Variants in C1GALT1 observed in about 807,000 individuals in gnomAD.
C1GALT1 encodes the protein glycoprotein-N-acetylgalactosamine 3-beta-galactosyltransferase 1.
A neutral mutation model predicts 31.0 loss-of-function variants in C1GALT1; 11 were observed. The observed-to-expected ratio is 0.36, with a 90% CI of 0.22 to 0.59. C1GALT1 has a LOEUF of 0.59. Ranked by LOEUF, C1GALT1 falls within the 20% of genes least tolerant of loss-of-function variation. C1GALT1 has a pLI of 0.79. For synonymous variants in C1GALT1, 175 were observed against 143.6 expected, an observed-to-expected ratio of 1.22 and a Z score of -1.56; for missense variants, 424 against 425.2, an observed-to-expected ratio of 1.00 and a Z score of 0.03.
At chr7:7,163,398 A>G (rs1279214575) in intron 2 of C1GALT1, among the ~76,000 whole-genome samples, 2 of 152,152 alleles carry the variant, frequency 1.3e-5, no homozygotes, top group Non-Finnish European at 2.9e-5. Context: ...CCCTTTGAAA[A>G]CTGGCACAAG....
intron 1 of C1GALT1, among the ~76,000 whole-genome samples, chr7:7,223,672 C>T (rs1186458484): frequency 2.6e-5 from 4 of 152,184 alleles, no homozygotes; most frequent in Admixed American, 2.0e-4. Context: ...TTGAGATTTC[C>T]TTCACAGTCA....
At chr7:7,172,739 C>T (rs1266616140) in intron 2 of C1GALT1, among the ~76,000 whole-genome samples, 3 of 152,166 alleles carry the variant, frequency 2.0e-5, no homozygotes, top group African/African-American at 7.2e-5. Flanking sequence ...ACAAATACAG[C>T]CTCCCCCACT....
chr7:7,157,767 A>G (rs567030864), intron 2 of C1GALT1, among the ~76,000 whole-genome samples: 1 of 152,234 alleles, frequency 6.6e-6, no homozygotes. Context: ...CAAACTTCAA[A>G]TTTCAGTTTC....
chr7:7,197,863 G>A (rs1373643309), intron 1 of C1GALT1, among the ~76,000 whole-genome samples: 1 of 152,200 alleles, frequency 6.6e-6, no homozygotes, highest in African/African-American at 2.4e-5. Context: ...GTATAGGAAT[G>A]CTTGTGATTT....
upstream of C1GALT1, among the ~76,000 whole-genome samples, chr7:7,181,318 A>G (rs976813155): frequency 1.3e-5 from 2 of 152,194 alleles, no homozygotes; most frequent in Non-Finnish European, 2.9e-5. Flanking sequence ...GGAGGAGTAG[A>G]GAATGGACGT....
chr7:7,238,978 A>G lies in C1GALT1; in HGVS notation c.888+56A>G. On this transcript the variant is annotated intron_variant, in intron 3 of 3. Transcript: ENST00000436587. The surrounding 1 kb of genome is among the most constrained non-coding windows in gnomAD (Gnocchi z 5.2). The stretch of plus-strand genomic sequence containing the variant: ...TACTTGGACTGACTGAATTTTGTTG[A>G]TAAAAACATGTTAATATGTGTATGT... 7.2e-7 allele frequency: 1 copy of G among 1,388,624 alleles called. No homozygotes were observed. Among genetic ancestry groups the G allele is most frequent in the Non-Finnish European group, 9.9e-7 (1 of 1,011,182 alleles). 86.0% of individuals were successfully genotyped at this position (1,388,624 alleles called of 1,614,324 possible).
chr7:7,214,923 C>T (rs1477623906), intron 1 of C1GALT1, among the ~76,000 whole-genome samples: 3 of 152,222 alleles, frequency 2.0e-5, no homozygotes, highest in Non-Finnish European at 4.4e-5. Flanking sequence ...GATTTTGACC[C>T]TCCTTAAACT....
At chr7:7,219,676 A>C (rs1353338294) in intron 1 of C1GALT1, among the ~76,000 whole-genome samples, 1 of 152,162 alleles carries the variant, frequency 6.6e-6, no homozygotes, top group African/African-American at 2.4e-5. Flanking sequence ...TATTCATTAA[A>C]CTCAATTTAG....
At chr7:7,181,238 C>T (rs1422407096), upstream of C1GALT1, among the ~76,000 whole-genome samples, 2 of 151,506 alleles carry the variant, frequency 1.3e-5, no homozygotes, top group Non-Finnish European at 2.9e-5. Flanking sequence ...AAGGATATTG[C>T]GGAAAGGTGG....
chr7:7,189,691 T>A (rs552123746), intron 1 of C1GALT1, among the ~76,000 whole-genome samples: 4,395 of 152,238 alleles, frequency 0.029, 119 homozygotes, highest in African/African-American at 0.077. Flanking sequence ...TTGCCAGAAG[T>A]TTATCCAATG....
chr7:7,243,736 C>G lies in C1GALT1; in HGVS notation c.*9C>G. 6.4e-7 allele frequency: 1 copy of G among 1,571,974 alleles called. No individual in the cohort carries two copies. Among genetic ancestry groups the G allele is most frequent in the Non-Finnish European group, 8.7e-7 (1 of 1,153,758 alleles). ...AGTTAGGAAATCCTTGAAAGAAAAT[C>G]ATGAATGAACAAAGGTAATATGTCT... On this transcript the variant is annotated 3_prime_UTR_variant, in exon 4 of 4. Transcript: ENST00000436587.
At chr7:7,198,810 G>C (rs1311749825) in intron 1 of C1GALT1, among the ~76,000 whole-genome samples, 2 of 152,192 alleles carry the variant, frequency 1.3e-5, no homozygotes, top group African/African-American at 2.4e-5. Context: ...AGATTTTCTA[G>C]TTTATTTGCA....
At chr7:7,236,371 C>A (rs979200597) in intron 2 of C1GALT1, among the ~76,000 whole-genome samples, 2 of 152,094 alleles carry the variant, frequency 1.3e-5, no homozygotes, top group South Asian at 4.1e-4. Flanking sequence ...ACTGTTCTAT[C>A]CATTCAAGGT....
intron 1 of C1GALT1, among the ~76,000 whole-genome samples, chr7:7,206,054 TA>T (rs1781725288): frequency 6.6e-6 from 1 of 152,224 alleles, no homozygotes; most frequent in Non-Finnish European, 1.5e-5. Context: ...ACTTAATATT[TA>T]AAAATTACAA....
At chr7:7,158,579 T>TTATATAATGTGTA in intron 2 of C1GALT1, among the ~76,000 whole-genome samples, 1 of 150,452 alleles carries the variant, frequency 6.6e-6, no homozygotes, top group Non-Finnish European at 1.5e-5. Flanking sequence ...CACATACATT[T>TTATATAATGTGTA]TTATATATTT....
Position 7,234,552 on chromosome 7 carries a change from T to C in C1GALT1, c.220+13T>C, listed in dbSNP as rs1170765544. The C allele has an allele frequency of 1.3e-6, 2 of 1,575,138 alleles. No homozygotes were observed. Among genetic ancestry groups the C allele is most frequent in the Non-Finnish European group, 1.7e-6 (2 of 1,145,662 alleles). Reference sequence around the variant, plus strand: ...AGCCAACATAAAGGTATGGTTTACTTTATTAAGCAGTAAACATAAGCAGTA... The same window carrying C: ...AGCCAACATAAAGGTATGGTTTACTCTATTAAGCAGTAAACATAAGCAGTA... On this transcript the variant is annotated intron_variant, in intron 2 of 3. Transcript: ENST00000436587.
chr7:7,163,794 C>T (rs1258750134), intron 2 of C1GALT1, among the ~76,000 whole-genome samples: 2 of 152,010 alleles, frequency 1.3e-5, no homozygotes, highest in African/African-American at 4.8e-5. Context: ...GAACTACAAA[C>T]CACTGCTCAA....
chr7:7,202,618 T>C (rs1781570689), intron 1 of C1GALT1, among the ~76,000 whole-genome samples: 3 of 152,214 alleles, frequency 2.0e-5, no homozygotes, highest in Admixed American at 6.5e-5. Flanking sequence ...CTATTTTTAT[T>C]AACGTAGCTT....
chr7:7,235,310 T>C (rs1367918008), intron 2 of C1GALT1: 1 of 152,144 alleles, frequency 6.6e-6, no homozygotes, highest in Non-Finnish European at 1.5e-5. Context: ...ACTATTCAGT[T>C]TTTTCTCTTC....
Sources: gnomAD v4.1 joint callset for allele counts (sites outside exome capture counted in the v4.1 genomes callset) on GRCh38, gnomAD v4.1.1 for gene constraint, Gnocchi (gnomAD v3.1) non-coding constraint, MANE v1.5 for transcripts, NCBI Gene and HGNC (gene_info 2026-07-23, HGNC 2026-07-21) for gene names.